CHD5: variants seen among roughly 807,000 people sequenced by gnomAD.
The protein encoded by CHD5 is chromodomain helicase DNA binding protein 5.
Under a neutral mutation model 230.3 loss-of-function variants are expected in CHD5, and 69 were observed. The observed-to-expected ratio is 0.30, with a 90% CI of 0.25 to 0.37. CHD5 has a LOEUF of 0.37. Among genes scored for constraint, CHD5 ranks in the 10% least tolerant of loss-of-function variants. The pLI is 1.00. For synonymous variants in CHD5, 1,064 were observed against 1,065.9 expected (o/e 1.00, Z 0.03); for missense variants, 1,827 against 2,622.8 (o/e 0.70, Z 6.63).
rs569548709 is a variant in CHD5, at chr1:6,103,727, G to A, written c.*1747C>T. 1 of 152,382 alleles carries A rather than the reference G, an allele frequency of 6.6e-6. No homozygotes were observed. The highest frequency in any genetic ancestry group is 1.9e-4 in the East Asian group (1 of 5,178). The allele number at this position is 152,382 out of a possible 1,614,324, so 9.4% of individuals were successfully genotyped here. On this transcript the variant is annotated 3_prime_UTR_variant, in exon 42 of 42. Transcript: ENST00000262450. The stretch of plus-strand genomic sequence containing the variant: ...ACGCCCACGTGCAGTGTCAGGGTCG[G>A]GCTGGCCTTGCAGACCTGGATCCAG...
chr1:6,125,394 C>T lies in CHD5; in HGVS notation c.4260+130G>A. On this transcript the variant is annotated intron_variant, in intron 28 of 41. Coordinates refer to ENST00000262450, the MANE Select transcript of CHD5 (RefSeq NM_015557.3). The surrounding 1 kb of genome is among the most constrained non-coding windows in gnomAD (Gnocchi z 6.7). ...GGGGCAGGACCCTGACGGCGAAGAC[C>T]AGACCAAGTTCTGTCCAAGCTCCGC... is the stretch of plus-strand genomic sequence containing the variant. 3 of 1,264,934 alleles carry T rather than the reference C, an allele frequency of 2.4e-6. No individual in the cohort carries two copies. Among genetic ancestry groups the T allele is most frequent in the Non-Finnish European group, 3.3e-6 (3 of 910,388 alleles). The allele number at this position is 1,264,934 out of a possible 1,614,324, so 78.4% of individuals were successfully genotyped here. A position where few individuals can be genotyped will look rare whatever the true frequency, so the allele number is the denominator to read the frequency against.
intron 33 of CHD5, 35 bp from the exon 34 acceptor site, chr1:6,113,033 G>A: frequency 1.4e-6 from 2 of 1,467,276 alleles, no homozygotes; most frequent in Non-Finnish European, 1.9e-6. Context: ...CATGGGGTGG[G>A]GTCCCAGAAA....
Position 6,106,458 on chromosome 1 carries a change from G to T in CHD5, c.5794C>A (p.Arg1932=), listed in dbSNP as rs1437416058. 1 of 1,562,768 alleles carries T rather than the reference G, an allele frequency of 6.4e-7. No homozygotes were observed. Among genetic ancestry groups the T allele is most frequent in the African/African-American group, 1.4e-5 (1 of 73,624 alleles). The change falls in exon 40 of 42, where the codon CGG becomes AGG. Residue 1932 remains arginine (R), a synonymous_variant. Transcript: ENST00000262450. ...ACAATCCCTCCCGGTCCAGGGCCCCGGAAGTTGGGCCCAAAGTTGTTGCTG... is the reference window on the plus strand; with the variant it reads ...ACAATCCCTCCCGGTCCAGGGCCCCTGAAGTTGGGCCCAAAGTTGTTGCTG... ...MYSNNFGPNF[R]GPGPGGIVNY... is the part of the protein sequence containing the mutation.
At chr1:6,150,880 A>T (rs1666996025) in intron 7 of CHD5, 152 bp downstream of exon 7, 2 of 1,012,900 alleles carry the variant, frequency 2.0e-6, no homozygotes, top group Non-Finnish European at 2.7e-6. Context: ...CCTGGCTGAG[A>T]CATGAGGATG....
chr1:6,161,235 T>C (rs968270934), intron 2 of CHD5, among the ~76,000 whole-genome samples: 2 of 151,954 alleles, frequency 1.3e-5, no homozygotes, highest in African/African-American at 2.4e-5. Flanking sequence ...AACTCTGCCC[T>C]TTCAGGCCAC....
At position 6,126,175 on chromosome 1, in the gene CHD5, GC is replaced by G. The variant is rs1478905417; in HGVS notation, c.4079-318del. Reference sequence around the variant, plus strand: ...CCAAACACCCAGCACCTCTGCACCTGCCCCCAGTCCCCTTTCCTCCAAAAAG... The same window carrying G: ...CCAAACACCCAGCACCTCTGCACCTGCCCCAGTCCCCTTTCCTCCAAAAAG... On this transcript the variant is annotated intron_variant, in intron 26 of 41. Coordinates refer to ENST00000262450, the MANE Select transcript of CHD5 (RefSeq NM_015557.3). The surrounding 1 kb of genome is among the most constrained non-coding windows in gnomAD (Gnocchi z 5.7). Among the ~76,000 whole-genome samples, 2 of 152,098 alleles carry G rather than the reference GC, an allele frequency of 1.3e-5. No individual in the cohort carries two copies. Among genetic ancestry groups the G allele is most frequent in the African/African-American group, 4.8e-5 (2 of 41,414 alleles).
chr1:6,173,723 T>G (rs1667374875), intron 1 of CHD5, among the ~76,000 whole-genome samples: 1 of 151,912 alleles, frequency 6.6e-6, no homozygotes, highest in Non-Finnish European at 1.5e-5. Flanking sequence ...GCGGCAGTGG[T>G]GAAGGGCAGA....
At chr1:6,173,583 G>A (rs1249716800) in intron 1 of CHD5, among the ~76,000 whole-genome samples, 1 of 152,144 alleles carries the variant, frequency 6.6e-6, no homozygotes, top group Non-Finnish European at 1.5e-5. Flanking sequence ...CTGTGAAATG[G>A]GCCTAATGTG....
At chr1:6,113,223 AG>A in intron 33 of CHD5, 1 of 531,492 alleles carries the variant, frequency 1.9e-6, no homozygotes, top group South Asian at 2.0e-5. Context: ...CAGGAGTTCA[AG>A]ACCAGCCTGG....
chr1:6,146,886 G>A lies in CHD5; in HGVS notation c.1384-15C>T. On this transcript the variant is annotated splice_polypyrimidine_tract_variant and intron_variant, in intron 9 of 41. Transcript: ENST00000262450. The surrounding 1 kb of genome is among the most constrained non-coding windows in gnomAD (Gnocchi z 5.1). The stretch of plus-strand genomic sequence containing the variant: ...AGTGGGGGGCACTGTGGACAGAGAA[G>A]GGTCCCCAAGGTGGGGCTCAGCTGC... 4.1e-6 allele frequency: 6 copies of A among 1,475,424 alleles called. No individual in the cohort carries two copies. Among genetic ancestry groups the A allele is most frequent in the Non-Finnish European group, 5.4e-6 (6 of 1,110,614 alleles). The allele number at this position is 1,475,424 out of a possible 1,614,324, so 91.4% of individuals were successfully genotyped here.
chr1:6,128,248 C>A lies in CHD5; in HGVS notation c.3731-30G>T. ...GGAGCAGGCAAATGCAGTGTGAGGA[C>A]AAAGACTGCCCTGGTCCAGCCCCGG... On this transcript the variant is annotated intron_variant, in intron 24 of 41. Coordinates refer to ENST00000262450, the MANE Select transcript of CHD5 (RefSeq NM_015557.3). This position sits in a 1 kb window ranked among gnomAD's most constrained non-coding sequence, Gnocchi z 7.8. The A allele has an allele frequency of 1.2e-6, 2 of 1,608,938 alleles. No individual in the cohort carries two copies. The highest frequency in any genetic ancestry group is 1.7e-6 in the Non-Finnish European group (2 of 1,176,752).
intron 7 of CHD5, 51 bp downstream of exon 7, chr1:6,150,981 C>T (rs377201576): frequency 1.4e-6 from 2 of 1,453,968 alleles, no homozygotes; most frequent in South Asian, 1.6e-5. Flanking sequence ...CTACTCGTGC[C>T]CCACTACATC....
At position 6,125,522 on chromosome 1, in the gene CHD5, A is replaced by C. The variant is rs1571146377; in HGVS notation, c.4260+2T>G. 1.3e-6 allele frequency: 2 copies of C among 1,575,870 alleles called. No homozygotes were observed. Among genetic ancestry groups the C allele is most frequent in the Non-Finnish European group, 1.7e-6 (2 of 1,159,312 alleles). On this transcript the variant is annotated splice_donor_variant, in intron 28 of 41. Transcript: ENST00000262450. LOFTEE classifies it high-confidence loss of function. This position sits in a 1 kb window ranked among gnomAD's most constrained non-coding sequence, Gnocchi z 6.7. ...AGAGATGCGGGAACAGACAGGCCCCACCTCGATGTTGCCACCAACTCGGGC... is the reference window on the plus strand; with the variant it reads ...AGAGATGCGGGAACAGACAGGCCCCCCCTCGATGTTGCCACCAACTCGGGC...
intron 33 of CHD5, among the ~76,000 whole-genome samples, chr1:6,115,460 T>C (rs1181563217): frequency 6.6e-6 from 1 of 152,082 alleles, no homozygotes; most frequent in African/African-American, 2.4e-5. Context: ...ATGACCTGAG[T>C]AGGCCTAACC....
chr1:6,160,778 T>C (rs1232807227), intron 2 of CHD5, among the ~76,000 whole-genome samples: 3 of 152,246 alleles, frequency 2.0e-5, no homozygotes, highest in South Asian at 2.1e-4. Flanking sequence ...CTTGATTTAG[T>C]TTCCTGTCTG....
chr1:6,121,251 G>C lies in CHD5; in HGVS notation c.4780-14C>G, dbSNP rs375859800. 2.5e-6 allele frequency: 4 copies of C among 1,603,866 alleles called. No individual in the cohort carries two copies. Among genetic ancestry groups the C allele is most frequent in the African/African-American group, 2.7e-5 (2 of 74,288 alleles). ...GGCTGGAAGGGCCTGCAGAGGAAAA[G>C]CCAGGAGAACTACAAGGCCTGGGGC... is the stretch of plus-strand genomic sequence containing the variant. On this transcript the variant is annotated splice_polypyrimidine_tract_variant and intron_variant, in intron 32 of 41. Coordinates refer to ENST00000262450, the MANE Select transcript of CHD5 (RefSeq NM_015557.3). The surrounding 1 kb of genome is among the most constrained non-coding windows in gnomAD (Gnocchi z 4.5).
At chr1:6,107,209 T>G (rs1423119352) in intron 38 of CHD5, among the ~76,000 whole-genome samples, 26 of 77,310 alleles carry the variant, frequency 3.4e-4, no homozygotes, top group East Asian at 8.8e-4. Flanking sequence ...GATGGAGGGA[T>G]GATGGAGGGA....
chr1:6,148,548 G>A (rs1449381719), intron 9 of CHD5, among the ~76,000 whole-genome samples: 1 of 152,248 alleles, frequency 6.6e-6, no homozygotes, highest in Non-Finnish European at 1.5e-5. Flanking sequence ...TGGATGTGGA[G>A]CCCTTGCAGA....
At chr1:6,174,908 GTGGA>G (rs1224596536) in intron 1 of CHD5, among the ~76,000 whole-genome samples, 1 of 144,728 alleles carries the variant, frequency 6.9e-6, no homozygotes, top group Non-Finnish European at 1.5e-5. Flanking sequence ...TGGTGGGTGG[GTGGA>G]TGGATGGATG....
Sources: gnomAD v4.1 joint callset for allele counts (sites outside exome capture counted in the v4.1 genomes callset) on GRCh38, gnomAD v4.1.1 for gene constraint, Gnocchi (gnomAD v3.1) non-coding constraint, MANE v1.5 for transcripts, NCBI Gene and HGNC (gene_info 2026-07-23, HGNC 2026-07-21) for gene names.